The following CALU variants were observed in gnomAD, a reference collection of about 807,000 sequenced individuals.
CALU encodes IEF SSP 9302.
Under a neutral mutation model 37.5 loss-of-function variants are expected in CALU, and 13 were observed. The observed-to-expected ratio is 0.35, with a 90% CI of 0.23 to 0.55. The LOEUF is 0.55. CALU is among the 20% of genes least tolerant of loss of function. CALU has a pLI of 0.89. For synonymous variants in CALU, 114 were observed against 133.8 expected (o/e 0.85, Z 1.02); for missense variants, 282 against 391.7 (o/e 0.72, Z 2.36).
At chr7:128,763,388 G>T (rs1266834431) in intron 5 of CALU, among the ~76,000 whole-genome samples, 2 of 152,036 alleles carry the variant, frequency 1.3e-5, no homozygotes, top group African/African-American at 2.4e-5. Context: ...AATTAGCCAG[G>T]TGTGGTGGCA....
chr7:128,759,856 A>ATACTGATGAGCCAGAATGG lies in CALU; in HGVS notation c.643+4_643+5insTACTGATGAGCCAGAATGG. 1 of 1,320,856 alleles carries ATACTGATGAGCCAGAATGG rather than the reference A, an allele frequency of 7.6e-7. No individual in the cohort carries two copies. The highest frequency in any genetic ancestry group is 1.1e-6 in the Non-Finnish European group (1 of 913,550). The allele number at this position is 1,320,856 out of a possible 1,614,324, so 81.8% of individuals were successfully genotyped here. On this transcript the variant is annotated splice_donor_region_variant and intron_variant, in intron 5 of 6. Transcript: ENST00000249364. ...ATTGATCTAGAAGAGTATATTGGTA[A>ATACTGATGAGCCAGAATGG]GTCTCTGCTTTTAGTGTTTTTCTTA...
At chr7:128,764,579 A>G (rs778051562) in intron 5 of CALU, among the ~76,000 whole-genome samples, 21 of 152,272 alleles carry the variant, frequency 1.4e-4, no homozygotes, top group Non-Finnish European at 2.6e-4. Context: ...CTTTAAAAAG[A>G]TAATCAAGAA....
At position 128,754,392 on chromosome 7, in the gene CALU, C is replaced by G. The variant is rs1563130513; in HGVS notation, c.352C>G (p.Leu118Val). 1 of 1,614,020 alleles carries G rather than the reference C, an allele frequency of 6.2e-7. No homozygotes were observed. Among genetic ancestry groups the G allele is most frequent in the Admixed American group, 1.7e-5 (1 of 59,986 alleles). Residue 118 changes from leucine (L) to valine (V), a missense_variant, in exon 3 of 7, where the codon CTC becomes GTC. Coordinates refer to ENST00000249364, the MANE Select transcript of CALU (RefSeq NM_001219.5). ...DVERQWKGHDLNEDGLVSWEE... is the reference protein window; with the variant it reads ...DVERQWKGHDVNEDGLVSWEE... ...AGAGCGACAGTGGAAGGGGCATGAC[C>G]TCAATGAGGACGGCCTCGTTTCCTG...
intron 1 of CALU, among the ~76,000 whole-genome samples, chr7:128,744,142 G>A (rs1188189410): frequency 6.6e-6 from 1 of 152,168 alleles, no homozygotes; most frequent in East Asian, 1.9e-4. Context: ...GGAGGTGGAG[G>A]TTGCAGTGAG....
intron 2 of CALU, among the ~76,000 whole-genome samples, chr7:128,750,449 C>T (rs999632425): frequency 8.5e-5 from 13 of 152,134 alleles, no homozygotes; most frequent in African/African-American, 2.9e-4. Context: ...GCTCTGCTGG[C>T]ACTTTTCAGT....
At chr7:128,742,740 T>G (rs1035271204) in intron 1 of CALU, among the ~76,000 whole-genome samples, 2 of 152,184 alleles carry the variant, frequency 1.3e-5, no homozygotes, top group Admixed American at 6.5e-5. Flanking sequence ...AAGAAACCAA[T>G]TCTTAAGACT....
At chr7:128,764,094 C>T (rs1801229207) in intron 5 of CALU, among the ~76,000 whole-genome samples, 1 of 152,068 alleles carries the variant, frequency 6.6e-6, no homozygotes. Context: ...AAGTTGGCAT[C>T]TGAAATATTT....
Position 128,758,954 on chromosome 7 carries a change from G to A in CALU, c.499G>A (p.Gly167Arg). 2 of 1,613,520 alleles carry A rather than the reference G, an allele frequency of 1.2e-6. No individual in the cohort carries two copies. Among genetic ancestry groups the A allele is most frequent in the South Asian group, 1.1e-5 (1 of 91,072 alleles). ...GAGGTTTAAAATGGCAGACAAGGAT[G>A]GAGACCTCATTGCCACCAAGGAGGA... ...ERRFKMADKD[G>R]DLIATKEEFT... Residue 167 changes from glycine to arginine, a missense_variant, in exon 4 of 7, where the codon GGA becomes AGA. Gly to Arg is a moderately radical substitution (Grantham distance 125). Transcript: ENST00000249364.
In CALU at chr7:128,770,802, T is replaced by C. The variant is rs1801530726; in HGVS notation, c.*1635T>C. ...TTAGCCCTCAGGTTACCAAGATAAA[T>C]ATATGTATATATAACCTTTATTATT... On this transcript the variant is annotated 3_prime_UTR_variant, in exon 7 of 7. Coordinates refer to ENST00000249364, the MANE Select transcript of CALU (RefSeq NM_001219.5). 6.6e-6 allele frequency: 1 copy of C among 152,614 alleles called. No homozygotes were observed. Among genetic ancestry groups the C allele is most frequent in the Non-Finnish European group, 1.5e-5 (1 of 68,038 alleles). The allele number at this position is 152,614 out of a possible 1,614,324, so 9.5% of individuals were successfully genotyped here.
Position 128,772,991 on chromosome 7 carries a change from C to G in CALU, c.*3824C>G, listed in dbSNP as rs1184569362. Among the ~76,000 whole-genome samples the G allele has an allele frequency of 1.3e-5, 2 of 152,214 alleles. No homozygotes were observed. Among genetic ancestry groups the G allele is most frequent in the African/African-American group, 4.8e-5 (2 of 41,452 alleles). ...GAAAGGACTGCCAATTCTCTTCTAT[C>G]CAGGGAGGTTTCAAATTAGTTTTGA... On this transcript the variant is annotated 3_prime_UTR_variant, in exon 7 of 7. Transcript: ENST00000249364.
intron 6 of CALU, among the ~76,000 whole-genome samples, chr7:128,768,352 C>G (rs1209655394): frequency 6.6e-6 from 1 of 152,038 alleles, no homozygotes; most frequent in Non-Finnish European, 1.5e-5. Flanking sequence ...CTCAAAGTCA[C>G]TTTAGTAGCC....
chr7:128,769,729 G>C lies in CALU; in HGVS notation c.*562G>C, dbSNP rs1801486621. 6.6e-6 allele frequency: 1 copy of C among 152,206 alleles called. No individual in the cohort carries two copies. Among genetic ancestry groups the C allele is most frequent in the Admixed American group, 6.5e-5 (1 of 15,280 alleles). The allele number at this position is 152,206 out of a possible 1,614,324, so 9.4% of individuals were successfully genotyped here. On this transcript the variant is annotated 3_prime_UTR_variant, in exon 7 of 7. Transcript: ENST00000249364. ...TTCAGTTGCTATAGGTCCAGCAACT[G>C]AACCTGCCATTACCTGGGCAAGGAA...
chr7:128,747,203 GT>G (rs1800481288), intron 1 of CALU, among the ~76,000 whole-genome samples: 1 of 152,040 alleles, frequency 6.6e-6, no homozygotes, highest in Non-Finnish European at 1.5e-5. Flanking sequence ...AAGTATCTTT[GT>G]CTGTAAATGT....
intron 3 of CALU, among the ~76,000 whole-genome samples, chr7:128,757,860 G>A (rs577704796): frequency 7.6e-4 from 114 of 150,496 alleles, no homozygotes; most frequent in African/African-American, 2.8e-3. Flanking sequence ...TGTGTAGCTC[G>A]ATGTCATAAC....
At chr7:128,748,340 T>C in intron 1 of CALU, 4 of 1,486,866 alleles carry the variant, frequency 2.7e-6, no homozygotes, top group Non-Finnish European at 3.6e-6. Flanking sequence ...AAGTTTCTTA[T>C]CAGCCTACAA....
intron 2 of CALU, among the ~76,000 whole-genome samples, chr7:128,749,037 A>G (rs1476941425): frequency 6.6e-6 from 1 of 152,268 alleles, no homozygotes; most frequent in Non-Finnish European, 1.5e-5. Flanking sequence ...TTTGCATAAA[A>G]GTACCAAGTA....
rs1801542449 is a variant in CALU, at chr7:128,771,045, T to A, written c.*1878T>A. The A allele has an allele frequency of 1.3e-5, 2 of 152,656 alleles. No individual in the cohort carries two copies. Among genetic ancestry groups the A allele is most frequent in the Non-Finnish European group, 2.9e-5 (2 of 68,056 alleles). The allele number at this position is 152,656 out of a possible 1,614,324, so 9.5% of individuals were successfully genotyped here. A position where few individuals can be genotyped will look rare whatever the true frequency, so the allele number is the denominator to read the frequency against. On this transcript the variant is annotated 3_prime_UTR_variant, in exon 7 of 7. Transcript: ENST00000249364. ...GCCCCAATATAGGGTAATGGAAATT[T>A]CCTGCCCTCTGGGTTCCCCATTTTT...
chr7:128,739,630 C>T (rs1800151994), intron 1 of CALU, among the ~76,000 whole-genome samples, 198 bp downstream of exon 1: 1 of 152,054 alleles, frequency 6.6e-6, no homozygotes, highest in Non-Finnish European at 1.5e-5. Flanking sequence ...GGCCGCCGCC[C>T]GTCTTACCGC....
chr7:128,745,348 G>C (rs1388566775), intron 1 of CALU, among the ~76,000 whole-genome samples: 1 of 152,144 alleles, frequency 6.6e-6, no homozygotes, highest in South Asian at 2.1e-4. Flanking sequence ...GGCTGGGTAT[G>C]GTGGCTTACG....
Sources: gnomAD v4.1 joint callset for allele counts (sites outside exome capture counted in the v4.1 genomes callset) on GRCh38, gnomAD v4.1.1 for gene constraint, MANE v1.5 for transcripts, NCBI Gene and HGNC (gene_info 2026-07-23, HGNC 2026-07-21) for gene names.